C10orf143: variants seen among roughly 807,000 people sequenced by gnomAD.
The protein encoded by C10orf143 is uncharacterized protein C10orf143.
At chr10:130,038,529 T>C (rs546393074) in intron 3 of C10orf143, among the ~76,000 whole-genome samples, 73 of 152,236 alleles carry the variant, frequency 4.8e-4, no homozygotes, top group African/African-American at 1.7e-3. Flanking sequence ...ACCTCTGATA[T>C]AGGCTCACAA....
chr10:130,047,957 C>A (rs867482115), intron 3 of C10orf143, among the ~76,000 whole-genome samples: 1 of 152,150 alleles, frequency 6.6e-6, no homozygotes, highest in Non-Finnish European at 1.5e-5. Flanking sequence ...AGATAAAAAT[C>A]GAGTGCTCCA....
intron 3 of C10orf143, among the ~76,000 whole-genome samples, chr10:130,058,584 T>TA (rs1021999363): frequency 1.3e-5 from 2 of 151,512 alleles, no homozygotes; most frequent in African/African-American, 2.4e-5. Flanking sequence ...AACAGCATTT[T>TA]TTTTTTTTTT....
downstream of C10orf143, among the ~76,000 whole-genome samples, chr10:130,060,664 G>A (rs550929988): frequency 7.3e-5 from 11 of 151,116 alleles, no homozygotes; most frequent in East Asian, 4.0e-4. Context: ...TCTACTAAAA[G>A]TACAAAAAAA....
At chr10:130,058,655 G>A (rs965927610) in intron 3 of C10orf143, among the ~76,000 whole-genome samples, 1 of 151,158 alleles carries the variant, frequency 6.6e-6, no homozygotes, top group Admixed American at 6.6e-5. Context: ...AGATGATCTG[G>A]GATGAGCTTA....
At chr10:130,079,695 T>A in intron 2 of C10orf143, 42 bp downstream of exon 2, 1 of 398,854 alleles carries the variant, frequency 2.5e-6, no homozygotes, top group Non-Finnish European at 4.4e-6. Flanking sequence ...ATTAAAATAT[T>A]TCAACATGCT....
chr10:130,057,103 G>A (rs1193796387), intron 3 of C10orf143, among the ~76,000 whole-genome samples: 1 of 142,606 alleles, frequency 7.0e-6, no homozygotes, highest in Non-Finnish European at 1.5e-5. Context: ...TGTTGCCCAC[G>A]CTGGTCTTGA....
chr10:130,104,078 C>CAGT (rs1202320527), intron 1 of C10orf143: 1 of 152,180 alleles, frequency 6.6e-6, no homozygotes, highest in South Asian at 2.1e-4. Flanking sequence ...AGCAGGGGCA[C>CAGT]TTACTGTGTA....
At chr10:130,084,455 T>C (rs1019338293) in intron 1 of C10orf143, among the ~76,000 whole-genome samples, 5 of 152,236 alleles carry the variant, frequency 3.3e-5, no homozygotes, top group Admixed American at 6.5e-5. Context: ...TTTATTGGCA[T>C]TGGATAAATA....
At chr10:130,075,190 A>G (rs947759070) in intron 3 of C10orf143, among the ~76,000 whole-genome samples, 1 of 152,224 alleles carries the variant, frequency 6.6e-6, no homozygotes, top group Non-Finnish European at 1.5e-5. Flanking sequence ...CATGTTTTGC[A>G]TGCTGGCTTT....
At chr10:130,071,758 G>A (rs1184233567) in intron 3 of C10orf143, among the ~76,000 whole-genome samples, 1 of 152,154 alleles carries the variant, frequency 6.6e-6, no homozygotes, top group Non-Finnish European at 1.5e-5. Flanking sequence ...CTCCCGAGTA[G>A]CTGGGACTAC....
At chr10:130,083,181 T>C (rs190956846) in intron 1 of C10orf143, among the ~76,000 whole-genome samples, 12 of 152,262 alleles carry the variant, frequency 7.9e-5, no homozygotes, top group African/African-American at 2.4e-4. Context: ...AAAAAAGTGT[T>C]CAAATGCACT....
At chr10:130,099,843 T>TC (rs1861519446) in intron 1 of C10orf143, among the ~76,000 whole-genome samples, 1 of 113,576 alleles carries the variant, frequency 8.8e-6, no homozygotes, top group African/African-American at 3.6e-5. Flanking sequence ...ATTTTTTCTT[T>TC]ATTTTTTTTT....
Position 130,064,273 on chromosome 10 carries a change from A to G in C10orf143, c.*81T>C. 2.5e-6 allele frequency: 1 copy of G among 398,050 alleles called. No homozygotes were observed. The highest frequency in any genetic ancestry group is 4.4e-6 in the Non-Finnish European group (1 of 225,720). 24.7% of individuals were successfully genotyped at this position (398,050 alleles called of 1,614,324 possible). On this transcript the variant is annotated 3_prime_UTR_variant, in exon 4 of 4. Transcript: ENST00000637128. ...TTTGAACAGGTAAGTCCCCAAACCCATCTGTAGGAGATTCACATTTGCTGC... is the reference window on the plus strand; with the variant it reads ...TTTGAACAGGTAAGTCCCCAAACCCGTCTGTAGGAGATTCACATTTGCTGC...
intron 3 of C10orf143, among the ~76,000 whole-genome samples, chr10:130,046,037 C>T (rs2765479): frequency 0.033 from 4,980 of 149,902 alleles, 284 homozygotes; most frequent in African/African-American, 0.12. Context: ...CAGAGGGATG[C>T]GCGTGGTAGG....
intron 3 of C10orf143, among the ~76,000 whole-genome samples, chr10:130,041,191 C>G (rs775573634): frequency 2.9e-4 from 44 of 152,344 alleles, no homozygotes; most frequent in Non-Finnish European, 6.2e-4. Flanking sequence ...TGCAAAGCAG[C>G]GAGCACCTAA....
At chr10:130,095,439 C>T (rs548011664) in intron 1 of C10orf143, among the ~76,000 whole-genome samples, 21 of 152,176 alleles carry the variant, frequency 1.4e-4, no homozygotes, top group Non-Finnish European at 2.8e-4. Context: ...TTAGAAAAAA[C>T]TACTTTAAAT....
At chr10:130,103,213 A>C (rs112751678) in intron 1 of C10orf143, among the ~76,000 whole-genome samples, 51 of 152,056 alleles carry the variant, frequency 3.4e-4, no homozygotes, top group Non-Finnish European at 4.9e-4. Context: ...CCTGACCTCA[A>C]GTGATCTGCC....
chr10:130,060,286 C>T (rs1277271794), downstream of C10orf143, among the ~76,000 whole-genome samples: 1 of 152,144 alleles, frequency 6.6e-6, no homozygotes, highest in Non-Finnish European at 1.5e-5. Flanking sequence ...AGCAGCACAA[C>T]TTCTAGAATG....
chr10:130,057,552 A>G (rs1860809624), intron 3 of C10orf143, among the ~76,000 whole-genome samples: 1 of 152,258 alleles, frequency 6.6e-6, no homozygotes, highest in African/African-American at 2.4e-5. Flanking sequence ...AAAAAACTGC[A>G]TAAAAATCAC....
Sources: allele counts gnomAD v4.1 joint callset (sites outside exome capture counted in the v4.1 genomes callset), GRCh38; gene constraint gnomAD v4.1.1; transcripts MANE v1.5; gene names NCBI Gene and HGNC (gene_info 2026-07-23, HGNC 2026-07-21).